The following CPAP variants were observed in gnomAD, a reference collection of about 807,000 sequenced individuals.
The protein encoded by CPAP is centrosomal P4.1-associated protein.
the CPAP span, chr13:24,912,643 T>A: frequency 6.2e-7 from 1 of 1,613,754 alleles, no homozygotes; most frequent in East Asian, 2.2e-5. Flanking sequence ...ACTCGCAAGA[T>A]CTGGGATGAA....
the CPAP span, chr13:24,906,753 T>C: frequency 6.2e-7 from 1 of 1,614,140 alleles, no homozygotes; most frequent in Non-Finnish European, 8.5e-7. Flanking sequence ...CACAGCTCTT[T>C]ATTTTTAAGA....
chr13:24,889,539 C>G, the CPAP span: 3 of 661,982 alleles, frequency 4.5e-6, no homozygotes, highest in Non-Finnish European at 7.9e-6. Flanking sequence ...TACAACAGGC[C>G]AAAGCAAACA....
chr13:24,908,212 A>G, the CPAP span: 1 of 923,430 alleles, frequency 1.1e-6, no homozygotes, highest in South Asian at 1.4e-5. Flanking sequence ...ACTATGCTAA[A>G]ACATTTTTTT....
At chr13:24,885,340 G>A in the CPAP span, 10 of 1,613,722 alleles carry the variant, frequency 6.2e-6, no homozygotes, top group Non-Finnish European at 8.5e-6. Context: ...TTTATATTCA[G>A]GATCTGGGAA....
the CPAP span, chr13:24,884,099 T>C: frequency 6.4e-7 from 1 of 1,567,466 alleles, no homozygotes; most frequent in Non-Finnish European, 8.7e-7. Flanking sequence ...TAAAAAGTTG[T>C]TACAGTAAAT....
chr13:24,908,166 A>G, the CPAP span: 1 of 1,376,862 alleles, frequency 7.3e-7, no homozygotes. Context: ...CAAGAAAAGC[A>G]TATTAATGTC....
chr13:24,907,120 C>G, the CPAP span: 13 of 1,613,896 alleles, frequency 8.1e-6, no homozygotes, highest in East Asian at 2.9e-4. Context: ...AGTTCTTGCT[C>G]TTCCAACTGA....
the CPAP span, among the ~76,000 whole-genome samples, chr13:24,903,207 T>C: frequency 2.0e-5 from 3 of 152,230 alleles, no homozygotes; most frequent in Admixed American, 1.3e-4. Context: ...TACTATCGAC[T>C]GCTGTAGGTG....
chr13:24,901,889 G>A, the CPAP span, among the ~76,000 whole-genome samples: 4 of 152,188 alleles, frequency 2.6e-5, no homozygotes, highest in African/African-American at 9.7e-5. Flanking sequence ...CTACGCAGGA[G>A]GCTGAGGTGG....
At chr13:24,912,929 G>A in the CPAP span, 18 of 1,613,996 alleles carry the variant, frequency 1.1e-5, no homozygotes, top group South Asian at 6.6e-5. Flanking sequence ...GGAAATCCAC[G>A]ATTTAATATG....
At chr13:24,882,572 A>G in the CPAP span, 1 of 153,426 alleles carries the variant, frequency 6.5e-6, no homozygotes, top group Non-Finnish European at 1.4e-5. Flanking sequence ...CAAGTATCCC[A>G]TTTTGAGACA....
the CPAP span, among the ~76,000 whole-genome samples, chr13:24,914,519 G>A: frequency 6.6e-6 from 1 of 152,266 alleles, no homozygotes; most frequent in Non-Finnish European, 1.5e-5. Flanking sequence ...CCTCTTCTCT[G>A]AGGACTCCCT....
At chr13:24,897,037 C>T in the CPAP span, among the ~76,000 whole-genome samples, 7 of 152,040 alleles carry the variant, frequency 4.6e-5, no homozygotes, top group African/African-American at 1.7e-4. Flanking sequence ...AACCTCTTAC[C>T]TATCAGGTAG....
chr13:24,918,835 G>C, the CPAP span, among the ~76,000 whole-genome samples: 1 of 152,082 alleles, frequency 6.6e-6, no homozygotes, highest in Non-Finnish European at 1.5e-5. Flanking sequence ...TTGCTGTCTC[G>C]AGGGTGACAG....
the CPAP span, among the ~76,000 whole-genome samples, chr13:24,886,991 C>G: frequency 6.6e-6 from 1 of 152,038 alleles, no homozygotes; most frequent in South Asian, 2.1e-4. Context: ...AGCACACTGT[C>G]TAGAGGACTG....
At chr13:24,908,164 G>A in the CPAP span, 1 of 1,375,186 alleles carries the variant, frequency 7.3e-7, no homozygotes, top group East Asian at 2.3e-5. Context: ...CTCAAGAAAA[G>A]CATATTAATG....
At chr13:24,885,611 C>G in the CPAP span, 1 of 1,605,950 alleles carries the variant, frequency 6.2e-7, no homozygotes, top group African/African-American at 1.3e-5. Flanking sequence ...TTTACTTGTC[C>G]CTTATCCAAA....
the CPAP span, among the ~76,000 whole-genome samples, chr13:24,927,056 A>C: frequency 5.9e-5 from 9 of 152,282 alleles, no homozygotes; most frequent in South Asian, 1.9e-3. Context: ...AGAAACAGAA[A>C]ATTGTCGGCA....
At chr13:24,884,147 G>A in the CPAP span, 4 of 1,613,770 alleles carry the variant, frequency 2.5e-6, no homozygotes, top group African/African-American at 5.3e-5. Context: ...TGAGAGGGTG[G>A]AGCAAGTTTG....
Sources: allele counts gnomAD v4.1 joint callset (sites outside exome capture counted in the v4.1 genomes callset), GRCh38; gene constraint gnomAD v4.1.1; transcripts MANE v1.5; gene names NCBI Gene and HGNC (gene_info 2026-07-23, HGNC 2026-07-21).